The following RANBP2 variants were observed in gnomAD, a reference collection of about 807,000 sequenced individuals.
The protein encoded by RANBP2 is E3 SUMO-protein ligase RanBP2.
In RANBP2, 57 loss-of-function variants were observed where a neutral mutation model predicts 303.6. The ratio of observed to expected loss-of-function variants is 0.19; its 90% CI spans 0.15 to 0.23. The LOEUF (loss-of-function observed/expected upper bound fraction) is 0.23. RANBP2 is among the 10% of genes least tolerant of loss of function. RANBP2 has a pLI of 1.00. For missense variants in RANBP2, 3,138 were observed against 3,780.8 expected (o/e 0.83, Z 4.46); for synonymous variants, 1,167 against 1,301.5 (o/e 0.90, Z 2.23).
chr2:109,740,181 G>T, the RANBP2 span, among the ~76,000 whole-genome samples: 111 of 151,196 alleles, frequency 7.3e-4, no homozygotes, highest in Middle Eastern at 6.8e-3. Flanking sequence ...TAGAGACAGG[G>T]TTTCACCATG....
At chr2:109,579,912 G>C in the RANBP2 span, among the ~76,000 whole-genome samples, 1 of 151,688 alleles carries the variant, frequency 6.6e-6, no homozygotes, top group Non-Finnish European at 1.5e-5. Context: ...CCTGAGGTCA[G>C]GAGTTTGAGA....
At chr2:108,934,156 AAT>A in the RANBP2 span, among the ~76,000 whole-genome samples, 1 of 152,210 alleles carries the variant, frequency 6.6e-6, no homozygotes. Flanking sequence ...AGAAAAGAAA[AAT>A]AGATACACAA....
the RANBP2 span, among the ~76,000 whole-genome samples, chr2:109,591,750 T>C: frequency 6.6e-6 from 1 of 151,958 alleles, no homozygotes; most frequent in Admixed American, 6.6e-5. Flanking sequence ...ATACAAAAAT[T>C]GGCCGAGTGT....
the RANBP2 span, among the ~76,000 whole-genome samples, chr2:109,098,364 T>C: frequency 9.7e-3 from 1,480 of 152,270 alleles, 79 homozygotes; most frequent in Admixed American, 0.072. Context: ...CTCCAAGAAA[T>C]TGGAGAGAGA....
chr2:109,045,187 G>T, the RANBP2 span, among the ~76,000 whole-genome samples: 2 of 152,118 alleles, frequency 1.3e-5, no homozygotes, highest in South Asian at 4.1e-4. Context: ...AGAGTCGAAG[G>T]TGTTGAAGAA....
the RANBP2 span, among the ~76,000 whole-genome samples, chr2:109,150,833 A>G: frequency 6.6e-6 from 1 of 152,184 alleles, no homozygotes; most frequent in Admixed American, 6.5e-5. Flanking sequence ...TTAAAAAAAA[A>G]GTTTTGTGCT....
At chr2:108,861,472 C>CTTTTTTTTTT in the RANBP2 span, among the ~76,000 whole-genome samples, 53 of 123,490 alleles carry the variant, frequency 4.3e-4, 6 homozygotes, top group South Asian at 2.7e-3. Context: ...AACTTTCTTC[C>CTTTTTTTTTT]TTTTTTTTTT....
the RANBP2 span, among the ~76,000 whole-genome samples, chr2:109,657,162 A>G: frequency 9.5e-3 from 1,453 of 152,164 alleles, 19 homozygotes; most frequent in African/African-American, 0.033. Flanking sequence ...TCTGTGGGGG[A>G]CAGGCCAACA....
chr2:108,794,030 A>T, the RANBP2 span, among the ~76,000 whole-genome samples: 1 of 152,170 alleles, frequency 6.6e-6, no homozygotes, highest in Non-Finnish European at 1.5e-5. Flanking sequence ...AATAGGATAT[A>T]CAGTGAAGAT....
the RANBP2 span, chr2:109,129,823 C>T: frequency 6.5e-7 from 1 of 1,537,378 alleles, no homozygotes; most frequent in Non-Finnish European, 8.7e-7. Flanking sequence ...GCTGCGCTGC[C>T]CCGAGTGCCG....
the RANBP2 span, among the ~76,000 whole-genome samples, chr2:109,269,644 G>C: frequency 6.6e-6 from 1 of 152,192 alleles, no homozygotes; most frequent in Admixed American, 6.5e-5. Context: ...AGCCGGACAT[G>C]GTGGCGTGTG....
At chr2:108,788,544 C>T (rs1558957492), downstream of RANBP2, among the ~76,000 whole-genome samples, 2 of 151,674 alleles carry the variant, frequency 1.3e-5, no homozygotes, top group Non-Finnish European at 1.5e-5. Flanking sequence ...GGTGAAACCC[C>T]GTCTCTACTA....
chr2:108,898,415 C>T, the RANBP2 span, among the ~76,000 whole-genome samples: 1 of 152,138 alleles, frequency 6.6e-6, no homozygotes, highest in Non-Finnish European at 1.5e-5. Flanking sequence ...TCTACCTTCA[C>T]CCAACAGTAG....
At chr2:109,102,300 C>T in the RANBP2 span, among the ~76,000 whole-genome samples, 1 of 151,796 alleles carries the variant, frequency 6.6e-6, no homozygotes, top group African/African-American at 2.4e-5. Context: ...CGGGGTTTCA[C>T]CGTGTTAGCC....
chr2:109,211,675 C>T, the RANBP2 span, among the ~76,000 whole-genome samples: 15 of 147,138 alleles, frequency 1.0e-4, no homozygotes, highest in Admixed American at 9.0e-4. Flanking sequence ...GATGGAGTCT[C>T]GCTCTGTCAC....
At chr2:109,277,986 G>A in the RANBP2 span, among the ~76,000 whole-genome samples, 1 of 136,904 alleles carries the variant, frequency 7.3e-6, no homozygotes. Context: ...ATCAGCCTGG[G>A]CAACAAGGAG....
intron 7 of RANBP2, among the ~76,000 whole-genome samples, chr2:108,743,279 A>G (rs1696263228): frequency 6.6e-6 from 1 of 151,930 alleles, no homozygotes; most frequent in Admixed American, 6.6e-5. Flanking sequence ...ATTTTTTGAT[A>G]TGTAGTTTTG....
chr2:109,715,336 G>A, the RANBP2 span, among the ~76,000 whole-genome samples: 31 of 152,092 alleles, frequency 2.0e-4, 1 homozygote, highest in Admixed American at 1.8e-3. Flanking sequence ...TCAAACTCCT[G>A]GACTCAAGCA....
the RANBP2 span, among the ~76,000 whole-genome samples, chr2:109,677,903 A>G: frequency 6.6e-6 from 1 of 152,220 alleles, no homozygotes; most frequent in East Asian, 1.9e-4. Flanking sequence ...GGATTTCTGT[A>G]TCCCCGGTTC....
Sources: gnomAD v4.1 joint callset for allele counts (sites outside exome capture counted in the v4.1 genomes callset) on GRCh38, gnomAD v4.1.1 for gene constraint, MANE v1.5 for transcripts, NCBI Gene and HGNC (gene_info 2026-07-23, HGNC 2026-07-21) for gene names.